Variants in RYR2 observed in about 807,000 individuals in gnomAD.
RYR2 encodes ryanodine receptor 2, also known as cardiac muscle ryanodine receptor-calcium release channel.
A neutral mutation model predicts 601.1 loss-of-function variants in RYR2; 227 were observed. The observed-to-expected ratio is 0.38, with a 90% CI of 0.34 to 0.42. RYR2 has a LOEUF of 0.42. RYR2 is among the 10% of genes least tolerant of loss of function. RYR2 has a pLI of 1.00. For synonymous variants in RYR2, 2,223 were observed against 2,175.1 expected (o/e 1.02, Z -0.61); for missense variants, 4,646 against 6,156.5 (o/e 0.75, Z 8.21).
chr1:237,178,461 TGTGTG>T lies in RYR2; in HGVS notation c.49-92035_49-92031del, dbSNP rs1558375741. Among the ~76,000 whole-genome samples the T allele has an allele frequency of 6.0e-4, 87 of 145,432 alleles. 1 individual carries two copies. The highest frequency in any genetic ancestry group is 2.2e-3 in the African/African-American group (81 of 37,238). On this transcript the variant is annotated intron_variant, in intron 1 of 104. Transcript: ENST00000366574. ...GTGTGTGTGTGTGTGTGTGTGTGTG[TGTGTG>T]TGTTTAAAAGAGATCCCTCTGTCTT...
chr1:237,461,380 T>C (rs1659461913), intron 16 of RYR2, among the ~76,000 whole-genome samples: 1 of 152,152 alleles, frequency 6.6e-6, no homozygotes, highest in Admixed American at 6.6e-5. Context: ...TCTTATGAAC[T>C]TTCATAGACT....
chr1:237,362,284 G>A (rs1699842459), intron 4 of RYR2, among the ~76,000 whole-genome samples: 1 of 152,192 alleles, frequency 6.6e-6, no homozygotes, highest in Non-Finnish European at 1.5e-5. Flanking sequence ...CTGCGTGCCT[G>A]TCCTATAATT....
At chr1:237,127,490 G>A (rs572653961) in intron 1 of RYR2, among the ~76,000 whole-genome samples, 115 of 151,660 alleles carry the variant, frequency 7.6e-4, no homozygotes, top group African/African-American at 2.7e-3. Context: ...CTTCCCGGAC[G>A]GGGCGGCTGG....
intron 34 of RYR2, among the ~76,000 whole-genome samples, chr1:237,600,219 A>G (rs1233436605): frequency 1.3e-5 from 2 of 152,134 alleles, no homozygotes; most frequent in African/African-American, 4.8e-5. Context: ...CTGACTTGAA[A>G]CTATACTACA....
chr1:237,071,834 T>C (rs1476787981), intron 1 of RYR2, among the ~76,000 whole-genome samples: 1 of 152,206 alleles, frequency 6.6e-6, no homozygotes, highest in East Asian at 1.9e-4. Context: ...GGCTCCAGCC[T>C]TTCTCCCTGA....
rs75106465 is a variant in RYR2 at position 237,082,811 on chromosome 1, T to G, written c.48+40242T>G. On this transcript the variant is annotated intron_variant, in intron 1 of 104. Transcript: ENST00000366574. The stretch of plus-strand genomic sequence containing the variant: ...GTTAGGTGTGAATACACGTTTTCAG[T>G]CTCACCTGCAGTGTCAGGTGATGTT... 7.9e-3 allele frequency among the ~76,000 whole-genome samples: 1,207 copies of G among 152,168 alleles called. 18 individuals are homozygous for G. Among genetic ancestry groups the G allele is most frequent in the African/African-American group, 0.028 (1,145 of 41,510 alleles).
chr1:237,062,029 A>C lies in RYR2; in HGVS notation c.48+19460A>C, dbSNP rs150238342. Among the ~76,000 whole-genome samples the C allele has an allele frequency of 2.0e-3, 306 of 152,350 alleles. 2 individuals carry two copies. The highest frequency in any genetic ancestry group is 7.0e-3 in the African/African-American group (293 of 41,580). The stretch of plus-strand genomic sequence containing the variant: ...CACTGCATTGCAGTGGTACCTGGGT[A>C]GTAAGTCAGGTGGCTGTAAGCAGGG... On this transcript the variant is annotated intron_variant, in intron 1 of 104. Transcript: ENST00000366574.
chr1:237,546,991 A>ATT (rs1255244929), intron 25 of RYR2, among the ~76,000 whole-genome samples: 49 of 122,386 alleles, frequency 4.0e-4, no homozygotes, highest in African/African-American at 1.1e-3. Flanking sequence ...ATATATATAT[A>ATT]TATATTTATT....
chr1:237,423,918 T>C (rs1282861770), intron 12 of RYR2, among the ~76,000 whole-genome samples: 1 of 152,158 alleles, frequency 6.6e-6, no homozygotes, highest in African/African-American at 2.4e-5. Context: ...TGGGAAGGCC[T>C]CAGGAAACTT....
intron 34 of RYR2, among the ~76,000 whole-genome samples, chr1:237,595,952 G>C (rs1437984419): frequency 6.6e-6 from 1 of 152,036 alleles, no homozygotes; most frequent in Non-Finnish European, 1.5e-5. Context: ...ATAAATTACA[G>C]CTGAAGAATC....
At chr1:237,257,084 A>C (rs1688065275) in intron 1 of RYR2, among the ~76,000 whole-genome samples, 1 of 152,238 alleles carries the variant, frequency 6.6e-6, no homozygotes, top group South Asian at 2.1e-4. Flanking sequence ...GTAGCCTACT[A>C]TCTAAAGATA....
At position 237,590,620 on chromosome 1, in the gene RYR2, A is replaced by G. The variant is rs1420964292; in HGVS notation, c.3808-20A>G. 2.7e-6 allele frequency: 4 copies of G among 1,491,662 alleles called. No homozygotes were observed. In the South Asian group the frequency reaches 5.6e-5, roughly 21 times the overall value. The allele number at this position is 1,491,662 out of a possible 1,614,324, so 92.4% of individuals were successfully genotyped here. A position where few individuals can be genotyped will look rare whatever the true frequency, so the allele number is the denominator to read the frequency against. ...GACAATGGTGATTGGAATGTGAACT[A>G]TCGCTTCTTCGTTTGCTAGGTGACC... On this transcript the variant is annotated intron_variant, in intron 30 of 104. Coordinates refer to ENST00000366574, the MANE Select transcript of RYR2 (RefSeq NM_001035.3).
chr1:237,755,879 G>A (rs544173227), intron 80 of RYR2, among the ~76,000 whole-genome samples: 3 of 152,198 alleles, frequency 2.0e-5, no homozygotes, highest in South Asian at 2.1e-4. Flanking sequence ...TTTGCAACTC[G>A]AGCCATTTGC....
intron 38 of RYR2, 120 bp downstream of exon 38, chr1:237,617,606 A>C (rs1034753504): frequency 1.1e-6 from 1 of 949,514 alleles, no homozygotes; most frequent in African/African-American, 1.6e-5. Flanking sequence ...TAAAGTCTTC[A>C]AGTTGATTTA....
At chr1:237,367,707 T>C (rs2149744844) in intron 5 of RYR2, among the ~76,000 whole-genome samples, 1 of 152,314 alleles carries the variant, frequency 6.6e-6, no homozygotes, top group East Asian at 1.9e-4. Context: ...CTTTCCCTGA[T>C]CTAATTTTAT....
chr1:237,164,101 T>A (rs987609772), intron 1 of RYR2, among the ~76,000 whole-genome samples: 1 of 152,068 alleles, frequency 6.6e-6, no homozygotes, highest in African/African-American at 2.4e-5. Flanking sequence ...GCCTGGCCAA[T>A]GTGGTGAAAC....
At chr1:237,578,151 T>C (rs778664054) in intron 29 of RYR2, among the ~76,000 whole-genome samples, 6 of 152,072 alleles carry the variant, frequency 3.9e-5, no homozygotes, top group Non-Finnish European at 8.8e-5. Context: ...CTGTAGAGCT[T>C]TTGGGACTGA....
At position 237,610,920 on chromosome 1, in the gene RYR2, C is replaced by T; in HGVS notation, c.4842C>T (p.Arg1614=). The T allele has an allele frequency of 1.9e-6, 3 of 1,613,528 alleles. No individual in the cohort carries two copies. The highest frequency in any genetic ancestry group is 2.5e-6 in the Non-Finnish European group (3 of 1,179,752). Residue 1614 remains arginine (R), a synonymous_variant, in exon 36 of 105, where the codon CGC becomes CGT. Coordinates refer to ENST00000366574, the MANE Select transcript of RYR2 (RefSeq NM_001035.3). This position sits in a 1 kb window ranked among gnomAD's most constrained non-coding sequence, Gnocchi z 4.9. ...LKVDVSRISE[R]QGWLVQCLDP... ...TAGATGTGTCTCGAATAAGTGAACG[C>T]CAAGGCTGGTTGGTGCAGTGTTTGG...
chr1:237,107,429 G>A (rs951563095), intron 1 of RYR2, among the ~76,000 whole-genome samples: 1 of 138,348 alleles, frequency 7.2e-6, no homozygotes, highest in Non-Finnish European at 1.5e-5. Context: ...GCTGAGGCAG[G>A]AGAATGGCGT....
Sources: gnomAD v4.1 joint callset for allele counts (sites outside exome capture counted in the v4.1 genomes callset) on GRCh38, gnomAD v4.1.1 for gene constraint, Gnocchi (gnomAD v3.1) non-coding constraint, MANE v1.5 for transcripts, NCBI Gene and HGNC (gene_info 2026-07-23, HGNC 2026-07-21) for gene names.